OASL: variants seen among roughly 807,000 people sequenced by gnomAD.
The protein encoded by OASL is 2'-5'-oligoadenylate synthase-like protein.
Under a neutral mutation model 35.3 loss-of-function variants are expected in OASL, and 28 were observed. The observed-to-expected ratio is 0.79, with a 90% CI of 0.59 to 1.09. The LOEUF (loss-of-function observed/expected upper bound fraction) is 1.09, where lower values mean the gene tolerates loss of function less well. OASL is among the 50% of genes least tolerant of loss of function. OASL has a pLI of 0.00. For missense variants in OASL, 620 were observed against 635.2 expected (o/e 0.98, Z 0.26); for synonymous variants, 252 against 254.6 (o/e 0.99, Z 0.10).
intron 1 of OASL, among the ~76,000 whole-genome samples, chr12:121,035,335 G>A (rs1054896284): frequency 3.3e-5 from 5 of 151,988 alleles, no homozygotes; most frequent in African/African-American, 1.2e-4. Context: ...GATCAGCCTG[G>A]CCAACATGGT....
chr12:121,029,293 T>C (rs1033273029), intron 3 of OASL, among the ~76,000 whole-genome samples: 5 of 152,130 alleles, frequency 3.3e-5, no homozygotes, highest in Admixed American at 1.3e-4. Flanking sequence ...TGTATAATTC[T>C]CATCTCCCAA....
chr12:121,023,441 A>T (rs576248792), intron 5 of OASL, among the ~76,000 whole-genome samples: 1 of 151,978 alleles, frequency 6.6e-6, no homozygotes, highest in Admixed American at 6.6e-5. Context: ...GGCACCTGCC[A>T]CCACGCCCGC....
At chr12:121,018,505 C>T (rs1242358413), downstream of OASL, among the ~76,000 whole-genome samples, 4 of 151,946 alleles carry the variant, frequency 2.6e-5, no homozygotes, top group African/African-American at 7.3e-5. Context: ...AGCTTTCAGG[C>T]CCCACGGAGA....
intron 1 of OASL, among the ~76,000 whole-genome samples, chr12:121,034,196 C>CTT (rs10680000): frequency 0.33 from 48,442 of 146,688 alleles, 8,203 homozygotes; most frequent in Non-Finnish European, 0.38. Flanking sequence ...AGCCCAGACT[C>CTT]TTTTTTTTTT....
At chr12:121,029,064 GAAAA>G (rs10577200) in intron 3 of OASL, among the ~76,000 whole-genome samples, 1 of 105,104 alleles carries the variant, frequency 9.5e-6, no homozygotes, top group Non-Finnish European at 1.9e-5. Flanking sequence ...ACTTGTCTCA[GAAAA>G]AAAAAAAAAA....
At chr12:121,022,247 C>T (rs567189879) in intron 5 of OASL, among the ~76,000 whole-genome samples, 1 of 152,256 alleles carries the variant, frequency 6.6e-6, no homozygotes, top group African/African-American at 2.4e-5. Flanking sequence ...CCACCACACC[C>T]AGCTAATTTT....
At chr12:121,036,015 G>A (rs1442238358) in intron 1 of OASL, among the ~76,000 whole-genome samples, 1 of 152,172 alleles carries the variant, frequency 6.6e-6, no homozygotes, top group Non-Finnish European at 1.5e-5. Flanking sequence ...GCACCGCCAT[G>A]CCCAGCTAAT....
rs1252200742 is a variant in OASL at position 121,031,634 on chromosome 12, C to T, written c.482-17G>A. On this transcript the variant is annotated splice_polypyrimidine_tract_variant and intron_variant, in intron 2 of 5. Transcript: ENST00000257570. ...GAGAAGGCCCTGAGGAGTGAAGGAG[C>T]AAAGGAAGAGATTGGGGATTGAGGA... 6.2e-7 allele frequency: 1 copy of T among 1,604,546 alleles called. No homozygotes were observed. The highest frequency in any genetic ancestry group is 1.1e-5 in the South Asian group (1 of 90,810).
intron 4 of OASL, among the ~76,000 whole-genome samples, 159 bp from the exon 5 acceptor site, chr12:121,024,296 C>T (rs1183593829): frequency 6.6e-6 from 1 of 152,150 alleles, no homozygotes; most frequent in Non-Finnish European, 1.5e-5. Context: ...AGGAGAGTAA[C>T]AGGATGGAGA....
chr12:121,025,066 C>T, intron 4 of OASL, among the ~76,000 whole-genome samples: 1 of 150,470 alleles, frequency 6.6e-6, no homozygotes, highest in African/African-American at 2.5e-5. Flanking sequence ...GCAACTTCCA[C>T]CTCCCGGGTT....
At chr12:121,038,186 G>A (rs997954054) in intron 1 of OASL, among the ~76,000 whole-genome samples, 8 of 152,084 alleles carry the variant, frequency 5.3e-5, no homozygotes, top group Admixed American at 3.9e-4. Flanking sequence ...GATTCAACAA[G>A]TCTAAATTCC....
chr12:121,024,731 A>AG (rs960144690), intron 4 of OASL, among the ~76,000 whole-genome samples: 37 of 152,018 alleles, frequency 2.4e-4, no homozygotes, highest in African/African-American at 7.0e-4. Context: ...CCTTTCAGGC[A>AG]GGGGGGGCCC....
chr12:121,020,541 G>C (rs1869184577), exon 6 of OASL: 1 of 1,583,222 alleles, frequency 6.3e-7, no homozygotes, highest in Non-Finnish European at 8.6e-7. Context: ...GAAATGTACA[G>C]AGAAGTCTCC....
intron 1 of OASL, 130 bp from the exon 2 acceptor site, chr12:121,033,873 T>C: frequency 1.1e-6 from 1 of 874,634 alleles, no homozygotes; most frequent in Non-Finnish European, 1.8e-6. Context: ...GTAGTACTAA[T>C]ACCCACACTT....
rs766300334 is a variant in OASL at position 121,020,771 on chromosome 12, G to C, written c.1335C>G (p.Ser445Arg). Residue 445 changes from serine to arginine, a missense_variant, in exon 6 of 6, where the codon AGC (serine) becomes AGG (arginine). Ser to Arg is a moderately radical substitution (Grantham distance 110). Transcript: ENST00000257570. ...TGTTGGGGTTGATGGCATAGGCGTA[G>C]CTCCCACCATCAGGATTCTTCACGA... 1.9e-6 allele frequency: 3 copies of C among 1,614,122 alleles called. No individual in the cohort carries two copies. In the East Asian group the frequency reaches 6.7e-5, roughly 36 times the overall value.
At chr12:121,022,488 G>A (rs1489233082) in intron 5 of OASL, among the ~76,000 whole-genome samples, 1 of 152,248 alleles carries the variant, frequency 6.6e-6, no homozygotes, top group Non-Finnish European at 1.5e-5. Context: ...TCAAAGTGCT[G>A]TGATTACAGG....
At chr12:121,025,968 G>T (rs985279673) in intron 4 of OASL, among the ~76,000 whole-genome samples, 1 of 152,112 alleles carries the variant, frequency 6.6e-6, no homozygotes, top group East Asian at 1.9e-4. Context: ...TGTCCTATGG[G>T]GTGGGGTCAC....
chr12:121,025,789 AC>A (rs1413602522), intron 4 of OASL, among the ~76,000 whole-genome samples: 2 of 151,636 alleles, frequency 1.3e-5, no homozygotes, highest in Non-Finnish European at 2.9e-5. Flanking sequence ...CCAAAAACAA[AC>A]AAAAAAAACC....
intron 5 of OASL, among the ~76,000 whole-genome samples, chr12:121,021,709 G>A (rs1869243794): frequency 6.6e-6 from 1 of 152,182 alleles, no homozygotes; most frequent in African/African-American, 2.4e-5. Context: ...TACTCGGAAG[G>A]CTGAAGTGGG....
Sources: allele counts gnomAD v4.1 joint callset (sites outside exome capture counted in the v4.1 genomes callset), GRCh38; gene constraint gnomAD v4.1.1; transcripts MANE v1.5; gene names NCBI Gene and HGNC (gene_info 2026-07-23, HGNC 2026-07-21).